SLCO2A1: variants seen among roughly 807,000 people sequenced by gnomAD.
SLCO2A1 encodes solute carrier organic anion transporter family member 2A1.
SLCO2A1 carries 60 observed loss-of-function variants against 71.7 expected under a neutral mutation model. That is an observed-to-expected ratio of 0.84 (90% CI 0.68 to 1.04). The LOEUF (loss-of-function observed/expected upper bound fraction) is 1.04, where lower values mean the gene tolerates loss of function less well. Ranked by LOEUF, SLCO2A1 falls within the 50% of genes least tolerant of loss-of-function variation. The probability of loss-of-function intolerance (pLI) is 0.00; values close to 1 mark genes in which losing one functional copy is unlikely to be tolerated. For missense variants in SLCO2A1, 745 were observed against 813.4 expected, an observed-to-expected ratio of 0.92 and a Z score of 1.02; for synonymous variants, 308 against 326.7, an observed-to-expected ratio of 0.94 and a Z score of 0.62.
intron 6 of SLCO2A1, chr3:133,950,805 G>C: frequency 3.6e-6 from 1 of 280,650 alleles, no homozygotes. Flanking sequence ...TTCAATGCTA[G>C]GAATCCCTTC....
intron 5 of SLCO2A1, 22 bp from the exon 6 acceptor site, chr3:133,951,366 C>T (rs755007687): frequency 3.7e-6 from 6 of 1,612,872 alleles, no homozygotes; most frequent in Non-Finnish European, 5.1e-6. Context: ...ACGAAGAGTG[C>T]AAATGTTTGT....
At chr3:133,938,747 G>A (rs1020058244) in intron 11 of SLCO2A1, among the ~76,000 whole-genome samples, 7 of 152,078 alleles carry the variant, frequency 4.6e-5, no homozygotes, top group Admixed American at 1.3e-4. Context: ...CAGACTTACT[G>A]AGTCGGAAAG....
intron 6 of SLCO2A1, among the ~76,000 whole-genome samples, chr3:133,950,075 C>G (rs1197119263): frequency 6.6e-6 from 1 of 152,006 alleles, no homozygotes; most frequent in East Asian, 1.9e-4. Flanking sequence ...CCTTCCCTAC[C>G]CACCAATCTC....
intron 1 of SLCO2A1, among the ~76,000 whole-genome samples, chr3:133,997,423 T>G (rs1206289094): frequency 6.6e-6 from 1 of 152,262 alleles, no homozygotes; most frequent in Non-Finnish European, 1.5e-5. Flanking sequence ...CAAGTTAACA[T>G]GAGACCATGC....
rs571733113 is a variant in SLCO2A1 at position 133,989,769 on chromosome 3, A to G, written c.97-10151T>C. ...TGACATCCACACATCTCAAAATAATACACTTGTTCTGCAGTTTCTTGACTT... is the reference window on the plus strand; with the variant it reads ...TGACATCCACACATCTCAAAATAATGCACTTGTTCTGCAGTTTCTTGACTT... On this transcript the variant is annotated intron_variant, in intron 1 of 13. Transcript: ENST00000310926. Among the ~76,000 whole-genome samples the G allele has an allele frequency of 1.9e-4, 29 of 152,320 alleles. No homozygotes were observed. In the East Asian group the frequency reaches 4.2e-3, roughly 22 times the overall value.
rs532062468 is a variant in SLCO2A1 at position 134,007,620 on chromosome 3, C to T, written c.96+22087G>A. Among the ~76,000 whole-genome samples, 40 of 152,284 alleles carry T rather than the reference C, an allele frequency of 2.6e-4. No individual in the cohort carries two copies. The South Asian group carries it at 7.9e-3, about 30-fold the overall frequency. On this transcript the variant is annotated intron_variant, in intron 1 of 13. Transcript: ENST00000310926. ...TTTTACCCAGAGATCTTGTTAGAGACAAACCCCTGCTGACCCTGGAGTAGT... is the reference window on the plus strand; with the variant it reads ...TTTTACCCAGAGATCTTGTTAGAGATAAACCCCTGCTGACCCTGGAGTAGT...
intron 1 of SLCO2A1, among the ~76,000 whole-genome samples, chr3:134,005,857 A>G (rs1935205212): frequency 6.6e-6 from 1 of 151,990 alleles, no homozygotes; most frequent in African/African-American, 2.4e-5. Context: ...TTTACCATGA[A>G]GTTTATTTTT....
rs530971053 is a variant in SLCO2A1, at chr3:133,954,404, C to T, written c.625+562G>A. Among the ~76,000 whole-genome samples the T allele has an allele frequency of 4.7e-4, 71 of 152,182 alleles. 1 individual carries two copies. Among genetic ancestry groups the T allele is most frequent in the Non-Finnish European group, 6.6e-4 (45 of 67,996 alleles). On this transcript the variant is annotated intron_variant, in intron 4 of 13. Coordinates refer to ENST00000310926, the MANE Select transcript of SLCO2A1 (RefSeq NM_005630.3). Reference sequence around the variant, plus strand: ...CTCGAACTCCCGGCCTCAGGTGATCCGCCTGCCTTGGCCTCCCAAAGTGCT... The same window carrying T: ...CTCGAACTCCCGGCCTCAGGTGATCTGCCTGCCTTGGCCTCCCAAAGTGCT...
chr3:134,024,529 T>C (rs983378265), intron 1 of SLCO2A1, among the ~76,000 whole-genome samples: 2 of 152,208 alleles, frequency 1.3e-5, no homozygotes, highest in African/African-American at 4.8e-5. Flanking sequence ...ACACTCTATG[T>C]GTCAGAAAGA....
chr3:134,020,261 G>A (rs1410008876), intron 1 of SLCO2A1, among the ~76,000 whole-genome samples: 1 of 152,164 alleles, frequency 6.6e-6, no homozygotes, highest in Non-Finnish European at 1.5e-5. Flanking sequence ...TCTTGCCGAT[G>A]CCCCCAGCCA....
chr3:133,986,416 C>A (rs573365061), intron 1 of SLCO2A1, among the ~76,000 whole-genome samples: 3 of 152,208 alleles, frequency 2.0e-5, no homozygotes, highest in African/African-American at 7.2e-5. Context: ...AAGGGCTGTG[C>A]GTGTGTGTTA....
At chr3:134,020,595 T>C (rs1935552928) in intron 1 of SLCO2A1, among the ~76,000 whole-genome samples, 1 of 152,246 alleles carries the variant, frequency 6.6e-6, no homozygotes, top group Non-Finnish European at 1.5e-5. Flanking sequence ...ATCTAAAACT[T>C]AGTAAGACTA....
chr3:133,941,524 C>T (rs551984215), intron 11 of SLCO2A1, among the ~76,000 whole-genome samples: 58 of 151,916 alleles, frequency 3.8e-4, no homozygotes, highest in African/African-American at 1.3e-3. Context: ...TCTCTGCTTG[C>T]GAGGTGAGTG....
chr3:133,933,279 T>G lies in SLCO2A1; in HGVS notation c.*1434A>C, dbSNP rs541121897. On this transcript the variant is annotated 3_prime_UTR_variant, in exon 14 of 14. Coordinates refer to ENST00000310926, the MANE Select transcript of SLCO2A1 (RefSeq NM_005630.3). ...TGGATAGTCAGGTCAGGATCCTTCA[T>G]GCCAATCTGTGGCTTCTTGCTGTCC... The G allele has an allele frequency of 2.0e-5, 3 of 152,254 alleles. No homozygotes were observed. Among genetic ancestry groups the G allele is most frequent in the Non-Finnish European group, 2.9e-5 (2 of 68,098 alleles). 9.4% of individuals were successfully genotyped at this position (152,254 alleles called of 1,614,324 possible).
At chr3:133,936,023 C>T in intron 12 of SLCO2A1, 126 bp from the exon 13 acceptor site, 1 of 933,862 alleles carries the variant, frequency 1.1e-6, no homozygotes, top group Non-Finnish European at 1.5e-6. Flanking sequence ...ACCCATAGGA[C>T]TCACAGTGAC....
rs1192742733 is a variant in SLCO2A1, at chr3:133,945,201, T to A, written c.1355A>T (p.Asp452Val). The A allele has an allele frequency of 1.2e-6, 2 of 1,614,026 alleles. No homozygotes were observed. Among genetic ancestry groups the A allele is most frequent in the East Asian group, 2.2e-5 (1 of 44,890 alleles). ...TCCACAGACCGGGTGGAAGATAGAATCTGGGCACGAGCAGTCCCTGCGGCA... is the reference window on the plus strand; with the variant it reads ...TCCACAGACCGGGTGGAAGATAGAAACTGGGCACGAGCAGTCCCTGCGGCA... ...PACRRDCSCPDSIFHPVCGDN... is the reference protein window; with the variant it reads ...PACRRDCSCPVSIFHPVCGDN... Residue 452 changes from aspartate to valine, a missense_variant, in exon 10 of 14, where the codon GAT (aspartate) becomes GTT (valine). Asp to Val is a radical substitution (Grantham distance 152). Coordinates refer to ENST00000310926, the MANE Select transcript of SLCO2A1 (RefSeq NM_005630.3).
At chr3:133,949,430 C>T (rs1933678110) in intron 6 of SLCO2A1, among the ~76,000 whole-genome samples, 1 of 152,074 alleles carries the variant, frequency 6.6e-6, no homozygotes, top group African/African-American at 2.4e-5. Flanking sequence ...ATTCTTGCTT[C>T]CTCCTGAGCC....
chr3:134,020,236 C>T, intron 1 of SLCO2A1, among the ~76,000 whole-genome samples: 1 of 152,210 alleles, frequency 6.6e-6, no homozygotes, highest in Admixed American at 6.5e-5. Context: ...GCGAGCTCGG[C>T]TCTTAAGACA....
chr3:133,949,078 G>T, intron 6 of SLCO2A1, 107 bp from the exon 7 acceptor site: 2 of 924,120 alleles, frequency 2.2e-6, no homozygotes, highest in Non-Finnish European at 1.7e-6. Flanking sequence ...GGGTGGAGGT[G>T]AGCCCCCTCC....
Sources: gnomAD v4.1 joint callset for allele counts (sites outside exome capture counted in the v4.1 genomes callset) on GRCh38, gnomAD v4.1.1 for gene constraint, MANE v1.5 for transcripts, NCBI Gene and HGNC (gene_info 2026-07-23, HGNC 2026-07-21) for gene names.